NEDD4: variants seen among roughly 807,000 people sequenced by gnomAD.
NEDD4 encodes the protein E3 ubiquitin-protein ligase NEDD4.
A neutral mutation model predicts 144.9 loss-of-function variants in NEDD4; 99 were observed. The ratio of observed to expected loss-of-function variants is 0.68; its 90% CI spans 0.58 to 0.81. The LOEUF (loss-of-function observed/expected upper bound fraction) is 0.81. Among genes scored for constraint, NEDD4 ranks in the 30% least tolerant of loss-of-function variants. The pLI is 0.00. For missense variants in NEDD4, 985 were observed against 1,065.9 expected, an observed-to-expected ratio of 0.92 and a Z score of 1.06; for synonymous variants, 318 against 350.6, an observed-to-expected ratio of 0.91 and a Z score of 1.04.
At chr15:55,852,391 T>C in intron 13 of NEDD4, 33 bp downstream of exon 13, 1 of 1,595,516 alleles carries the variant, frequency 6.3e-7, no homozygotes, top group Non-Finnish European at 8.6e-7. Context: ...GTTTAAATCC[T>C]GTAAGAAAGC....
intron 8 of NEDD4, among the ~76,000 whole-genome samples, chr15:55,865,055 G>A (rs1042330025): frequency 8.6e-5 from 13 of 151,806 alleles, no homozygotes; most frequent in Non-Finnish European, 1.3e-4. Flanking sequence ...AAAATTAGCC[G>A]GGCATGGTGG....
At chr15:55,932,876 A>C (rs1216502285) in intron 4 of NEDD4, among the ~76,000 whole-genome samples, 1 of 152,260 alleles carries the variant, frequency 6.6e-6, no homozygotes, top group Non-Finnish European at 1.5e-5. Context: ...ATGCACAGAC[A>C]CTTCTCAAAA....
At chr15:55,904,058 AG>A (rs1439141509) in intron 5 of NEDD4, among the ~76,000 whole-genome samples, 1 of 151,858 alleles carries the variant, frequency 6.6e-6, no homozygotes, top group Non-Finnish European at 1.5e-5. Flanking sequence ...GCTACTTCGG[AG>A]GCTGGGGCAG....
intron 5 of NEDD4, among the ~76,000 whole-genome samples, chr15:55,913,309 C>T (rs1219813564): frequency 1.3e-5 from 2 of 151,940 alleles, no homozygotes; most frequent in Non-Finnish European, 2.9e-5. Flanking sequence ...TTACAATATA[C>T]CACTATAATT....
chr15:55,880,637 A>T (rs979401333), intron 5 of NEDD4, among the ~76,000 whole-genome samples: 5 of 152,146 alleles, frequency 3.3e-5, no homozygotes, highest in African/African-American at 4.8e-5. Context: ...GTGATATGGA[A>T]GATGCAGGGG....
chr15:55,833,209 C>G (rs2033041165), intron 26 of NEDD4, 105 bp from the exon 27 acceptor site: 1 of 689,938 alleles, frequency 1.4e-6, no homozygotes, highest in African/African-American at 1.8e-5. Context: ...TAATCCCTTA[C>G]TAGATGTGGA....
At chr15:55,871,113 T>A (rs2034779148) in intron 7 of NEDD4, among the ~76,000 whole-genome samples, 2 of 152,168 alleles carry the variant, frequency 1.3e-5, no homozygotes, top group South Asian at 4.1e-4. Flanking sequence ...CTTTCATGAG[T>A]AGTCAGTGAA....
chr15:55,842,517 A>G (rs1405689902), intron 18 of NEDD4, among the ~76,000 whole-genome samples: 1 of 152,146 alleles, frequency 6.6e-6, no homozygotes, highest in Non-Finnish European at 1.5e-5. Flanking sequence ...TTCCTAAGTA[A>G]CTGGACCACA....
intron 2 of NEDD4, among the ~76,000 whole-genome samples, chr15:55,959,166 T>G (rs1383555288): frequency 6.6e-6 from 1 of 152,078 alleles, no homozygotes; most frequent in Admixed American, 6.6e-5. Context: ...AGACATAAAC[T>G]TCCCTCTGAA....
chr15:55,965,496 G>T (rs559119789), intron 2 of NEDD4, among the ~76,000 whole-genome samples: 1 of 152,232 alleles, frequency 6.6e-6, no homozygotes, highest in Non-Finnish European at 1.5e-5. Context: ...TGTGATCTCT[G>T]TTCAGATCTT....
intron 5 of NEDD4, among the ~76,000 whole-genome samples, chr15:55,891,915 T>G (rs1187349529): frequency 6.6e-6 from 1 of 152,172 alleles, no homozygotes. Context: ...AAAAAACAGT[T>G]AAGTTAAAGT....
At chr15:55,979,246 C>T (rs887765632) in intron 1 of NEDD4, among the ~76,000 whole-genome samples, 7 of 149,176 alleles carry the variant, frequency 4.7e-5, no homozygotes, top group African/African-American at 1.7e-4. Flanking sequence ...ATGCTGAAAT[C>T]TATGACAACT....
intron 17 of NEDD4, among the ~76,000 whole-genome samples, chr15:55,848,093 C>T (rs1254763830): frequency 6.6e-6 from 1 of 152,232 alleles, no homozygotes; most frequent in African/African-American, 2.4e-5. Flanking sequence ...CTTGTTCAGA[C>T]AGTGGGAGGC....
chr15:55,992,179 G>A (rs554377727), intron 1 of NEDD4, among the ~76,000 whole-genome samples: 3 of 152,168 alleles, frequency 2.0e-5, no homozygotes, highest in Non-Finnish European at 2.9e-5. Flanking sequence ...GAATAAAGGT[G>A]CCATTAGCTA....
Position 55,846,973 on chromosome 15 carries a change from T to G in NEDD4, c.1604A>C (p.Lys535Thr). 1 of 1,595,528 alleles carries G rather than the reference T, an allele frequency of 6.3e-7. No individual in the cohort carries two copies. The highest frequency in any genetic ancestry group is 8.6e-7 in the Non-Finnish European group (1 of 1,164,418). ...KYEFFRRKLK[K>T]QNDIPNKFEM... is the part of the protein sequence containing the mutation. ...TTTATTATAAACATGACTAACCTGC[T>G]TCTTCAACTTTCTTCGGAAGAACTC... is the stretch of plus-strand genomic sequence containing the variant. The change falls in exon 18 of 29, where the codon AAG becomes ACG. Residue 535 changes from lysine (K) to threonine (T), a missense_variant. Physicochemically the swap from Lys to Thr is moderately conservative, Grantham distance 78 (BLOSUM62 -1). Coordinates refer to ENST00000435532, the MANE Select transcript of NEDD4 (RefSeq NM_006154.4).
At chr15:55,871,850 G>C (rs1267852439) in intron 7 of NEDD4, among the ~76,000 whole-genome samples, 1 of 152,054 alleles carries the variant, frequency 6.6e-6, no homozygotes, top group Non-Finnish European at 1.5e-5. Context: ...GATTTTACTT[G>C]TCAATGAGGT....
intron 4 of NEDD4, among the ~76,000 whole-genome samples, chr15:55,939,106 G>GAA (rs1286280996): frequency 9.4e-6 from 1 of 106,162 alleles, no homozygotes; most frequent in Non-Finnish European, 1.9e-5. Flanking sequence ...ACCGTGTCTC[G>GAA]AAAACAACAA....
At position 55,860,787 on chromosome 15, in the gene NEDD4, G is replaced by C; in HGVS notation, c.675-9C>G. On this transcript the variant is annotated splice_polypyrimidine_tract_variant and intron_variant, in intron 9 of 28. Transcript: ENST00000435532. ...CATCTGTTAGGTTGTCCCTATATTG[G>C]AAGTATAAAAAGCCATCATCCATGT... 1.9e-6 allele frequency: 3 copies of C among 1,610,638 alleles called. No individual in the cohort carries two copies. The highest frequency in any genetic ancestry group is 2.5e-6 in the Non-Finnish European group (3 of 1,177,588).
chr15:55,893,165 G>A (rs2035626572), intron 5 of NEDD4, among the ~76,000 whole-genome samples: 1 of 152,070 alleles, frequency 6.6e-6, no homozygotes, highest in Non-Finnish European at 1.5e-5. Flanking sequence ...TCAAAGGTAA[G>A]ATCAAGATCA....
Sources: allele counts gnomAD v4.1 joint callset (sites outside exome capture counted in the v4.1 genomes callset), GRCh38; gene constraint gnomAD v4.1.1; transcripts MANE v1.5; gene names NCBI Gene and HGNC (gene_info 2026-07-23, HGNC 2026-07-21).